The following WDR72 variants were observed in gnomAD, a reference collection of about 807,000 sequenced individuals.
WDR72 encodes WD repeat-containing protein 72.
Under a neutral mutation model 124.2 loss-of-function variants are expected in WDR72, and 120 were observed. That is an observed-to-expected ratio of 0.97 (90% CI 0.83 to 1.12). The LOEUF (loss-of-function observed/expected upper bound fraction) is 1.12, where lower values mean the gene tolerates loss of function less well. Ranked by LOEUF, WDR72 falls within the 50% of genes most tolerant of loss-of-function variation. WDR72 has a pLI of 0.00. For synonymous variants in WDR72, 452 were observed against 441.7 expected (o/e 1.02, Z -0.29); for missense variants, 1,387 against 1,278.8 (o/e 1.08, Z -1.29).
chr15:53,608,470 ACAGGT>A (rs76205146), intron 17 of WDR72, among the ~76,000 whole-genome samples: 43,750 of 151,746 alleles, frequency 0.29, 7,516 homozygotes, highest in Middle Eastern at 0.53. Flanking sequence ...CGCAATCAAA[ACAGGT>A]CAGGTGAGAT....
At chr15:53,684,086 A>G (rs2016503735) in intron 13 of WDR72, 1 of 152,226 alleles carries the variant, frequency 6.6e-6, no homozygotes, top group African/African-American at 2.4e-5. Flanking sequence ...AAGTATGAGC[A>G]TATCTTTGTA....
intron 13 of WDR72, among the ~76,000 whole-genome samples, chr15:53,694,961 C>T (rs573700788): frequency 2.0e-5 from 3 of 152,276 alleles, no homozygotes; most frequent in Admixed American, 2.0e-4. Flanking sequence ...CAGCGTCACC[C>T]TCTCCTTTAT....
Position 53,663,109 on chromosome 15 carries a change from A to AATAC in WDR72, c.1962+2462_1962+2463insGTAT, listed in dbSNP as rs537502891. On this transcript the variant is annotated intron_variant, in intron 14 of 19. Coordinates refer to ENST00000360509, the MANE Select transcript of WDR72 (RefSeq NM_182758.4). Reference sequence around the variant, plus strand: ...GCCTCTAAAAATAAATAAATAAATAAATAAATAAAACAATCTCAACAGCCT... The same window carrying AATAC: ...GCCTCTAAAAATAAATAAATAAATAAATACATAAATAAAACAATCTCAACAGCCT... Among the ~76,000 whole-genome samples, 1,437 of 151,684 alleles carry AATAC rather than the reference A, an allele frequency of 9.5e-3. 34 individuals carry two copies. The highest frequency in any genetic ancestry group is 0.033 in the African/African-American group (1,384 of 41,420).
At chr15:53,591,779 A>G (rs74017471) in intron 18 of WDR72, among the ~76,000 whole-genome samples, 1,586 of 151,872 alleles carry the variant, frequency 0.01, 36 homozygotes, top group African/African-American at 0.037. Flanking sequence ...TGCCATTTAC[A>G]TCTTGTTTTC....
At position 53,663,833 on chromosome 15, in the gene WDR72, T is replaced by C. The variant is rs116448426; in HGVS notation, c.1962+1739A>G. On this transcript the variant is annotated intron_variant, in intron 14 of 19. Transcript: ENST00000360509. ...CTTATGATACCTAAGACTGTCAGTG[T>C]GGTTCAATTTCCCACCTTATGTTCA... is the stretch of plus-strand genomic sequence containing the variant. 4.7e-3 allele frequency among the ~76,000 whole-genome samples: 721 copies of C among 151,974 alleles called. 3 individuals are homozygous for C. The highest frequency in any genetic ancestry group is 0.017 in the African/African-American group (689 of 41,274).
At chr15:53,750,159 C>T (rs1386123258) in intron 1 of WDR72, among the ~76,000 whole-genome samples, 1 of 152,102 alleles carries the variant, frequency 6.6e-6, no homozygotes, top group African/African-American at 2.4e-5. Flanking sequence ...ATGGAGAAGT[C>T]AATGCCTGGC....
chr15:53,580,998 A>G (rs996097560), intron 18 of WDR72, among the ~76,000 whole-genome samples: 1 of 152,192 alleles, frequency 6.6e-6, no homozygotes, highest in East Asian at 1.9e-4. Context: ...CTGTTAAATA[A>G]TTGTGATTAA....
rs769299352 is a variant in WDR72 at position 53,712,877 on chromosome 15, G to A, written c.606C>T (p.Val202=). The A allele has an allele frequency of 1.2e-5, 19 of 1,613,414 alleles. No homozygotes were observed. Among genetic ancestry groups the A allele is most frequent in the Non-Finnish European group, 1.4e-5 (17 of 1,179,762 alleles). ...SINSIQEKQD[V]YEKESKFLES... ...CAAGAAACTTGGATTCTTTTTCATA[G>A]ACATCTTGCTTTTCCTTCAAAAGGA... Residue 202 remains valine (V), a synonymous_variant, in exon 7 of 20, where the codon GTC becomes GTT. Transcript: ENST00000360509.
chr15:53,529,164 A>ATT lies in WDR72; in HGVS notation c.3149-5844_3149-5843dup, dbSNP rs1221581823. ...TTAGCCCATATATATATATATATAT[A>ATT]TTTTTTTTTTTTTTTTTAAAAGAAT... On this transcript the variant is annotated intron_variant, in intron 18 of 19. Coordinates refer to ENST00000360509, the MANE Select transcript of WDR72 (RefSeq NM_182758.4). 5.1e-5 allele frequency among the ~76,000 whole-genome samples: 4 copies of ATT among 78,156 alleles called. No homozygotes were observed. The East Asian group carries it at 1.1e-3, about 22-fold the overall frequency. The allele number at this position is 78,156 out of a possible 152,430, so 51.3% of individuals were successfully genotyped here.
At chr15:53,639,287 A>C (rs2014743281) in intron 14 of WDR72, among the ~76,000 whole-genome samples, 1 of 151,976 alleles carries the variant, frequency 6.6e-6, no homozygotes, top group Non-Finnish European at 1.5e-5. Context: ...CGAGCAGAAC[A>C]GACAGCCGCA....
intron 18 of WDR72, among the ~76,000 whole-genome samples, chr15:53,544,651 G>A (rs1893350328): frequency 6.8e-6 from 1 of 146,976 alleles, no homozygotes; most frequent in Non-Finnish European, 1.5e-5. Context: ...AGTGTTGGAA[G>A]TTCTGGCCAG....
intron 18 of WDR72, among the ~76,000 whole-genome samples, chr15:53,585,342 T>C (rs145466139): frequency 1.3e-5 from 2 of 152,032 alleles, no homozygotes; most frequent in African/African-American, 2.4e-5. Flanking sequence ...TCAGATCTCA[T>C]GACAACTCCC....
chr15:53,718,861 A>C (rs1567047067), intron 3 of WDR72, among the ~76,000 whole-genome samples: 1 of 151,978 alleles, frequency 6.6e-6, no homozygotes, highest in East Asian at 1.9e-4. Context: ...AAAGCTTAAA[A>C]ATTCTTAAAT....
At chr15:53,680,488 C>T (rs1373610368) in intron 13 of WDR72, among the ~76,000 whole-genome samples, 3 of 152,136 alleles carry the variant, frequency 2.0e-5, no homozygotes, top group African/African-American at 7.2e-5. Flanking sequence ...GAACATGTAA[C>T]TGTAATTTTC....
At chr15:53,753,177 C>T (rs1041163456) in intron 1 of WDR72, among the ~76,000 whole-genome samples, 4 of 152,302 alleles carry the variant, frequency 2.6e-5, no homozygotes, top group South Asian at 2.1e-4. Context: ...ATCTACTTCC[C>T]TTCTTTCAGT....
intron 2 of WDR72, among the ~76,000 whole-genome samples, chr15:53,725,620 G>A (rs961048481): frequency 5.9e-5 from 9 of 152,000 alleles, no homozygotes; most frequent in East Asian, 1.9e-4. Context: ...ATTACTCAGC[G>A]CTAAAAAGAA....
chr15:53,736,800 A>G (rs1024888961), intron 1 of WDR72, among the ~76,000 whole-genome samples: 1 of 152,196 alleles, frequency 6.6e-6, no homozygotes, highest in African/African-American at 2.4e-5. Flanking sequence ...CACAGAGGAC[A>G]GGGTAGCACG....
At chr15:53,730,953 G>C (rs370376812) in intron 2 of WDR72, among the ~76,000 whole-genome samples, 2 of 151,760 alleles carry the variant, frequency 1.3e-5, no homozygotes, top group Non-Finnish European at 1.5e-5. Context: ...ATGTGGGGGG[G>C]CAAGATTCAT....
intron 18 of WDR72, among the ~76,000 whole-genome samples, chr15:53,532,072 G>A (rs1892507302): frequency 1.3e-5 from 2 of 152,046 alleles, no homozygotes; most frequent in Non-Finnish European, 2.9e-5. Context: ...TTAGAGAAAT[G>A]CAAATTAAAC....
Sources: gnomAD v4.1 joint callset for allele counts (sites outside exome capture counted in the v4.1 genomes callset) on GRCh38, gnomAD v4.1.1 for gene constraint, MANE v1.5 for transcripts, NCBI Gene and HGNC (gene_info 2026-07-23, HGNC 2026-07-21) for gene names.